SYNE1: variants seen among roughly 807,000 people sequenced by gnomAD.
The protein encoded by SYNE1 is spectrin repeat containing nuclear envelope protein 1, also known as nesprin-1.
Under a neutral mutation model 1,111.0 loss-of-function variants are expected in SYNE1, and 616 were observed. That is an observed-to-expected ratio of 0.55 (90% CI 0.52 to 0.59). The LOEUF (loss-of-function observed/expected upper bound fraction) is 0.59, where lower values mean the gene tolerates loss of function less well. Among genes scored for constraint, SYNE1 ranks in the 20% least tolerant of loss-of-function variants. The pLI is 0.00. For missense variants in SYNE1, 10,006 were observed against 10,417.0 expected (o/e 0.96, Z 1.72); for synonymous variants, 3,855 against 3,825.8 (o/e 1.01, Z -0.28).
At chr6:152,223,095 G>C (rs2080557147) in intron 117 of SYNE1, among the ~76,000 whole-genome samples, 1 of 152,138 alleles carries the variant, frequency 6.6e-6, no homozygotes, top group Non-Finnish European at 1.5e-5. Flanking sequence ...AACAGTCAAG[G>C]AAAAGACCCT....
At chr6:152,577,031 G>T (rs1355894001) in intron 3 of SYNE1, among the ~76,000 whole-genome samples, 1 of 152,150 alleles carries the variant, frequency 6.6e-6, no homozygotes, top group East Asian at 1.9e-4. Flanking sequence ...CATATGTTAA[G>T]AAGGCATTTT....
intron 29 of SYNE1, among the ~76,000 whole-genome samples, chr6:152,446,108 ATTT>A (rs11351100): frequency 1.4e-4 from 18 of 129,484 alleles, no homozygotes; most frequent in East Asian, 2.4e-4. Flanking sequence ...AAGACAGTCA[ATTT>A]TTTTTTTTTT....
intron 134 of SYNE1, 55 bp downstream of exon 134, chr6:152,151,904 A>G (rs754010587): frequency 7.5e-6 from 12 of 1,597,752 alleles, no homozygotes; most frequent in Admixed American, 5.1e-5. Flanking sequence ...ACTGCATTCA[A>G]ATGGCCCAGT....
chr6:152,395,623 T>A lies in SYNE1; in HGVS notation c.7605A>T (p.Glu2535Asp), dbSNP rs1410134639. The change falls in exon 51 of 146, where the codon GAA (glutamate) becomes GAT (aspartate). Residue 2535 changes from glutamate (E) to aspartate (D), a missense_variant. Glu to Asp is a conservative substitution (Grantham distance 45). Coordinates refer to ENST00000367255, the MANE Select transcript of SYNE1 (RefSeq NM_182961.4). Reference sequence around the variant, plus strand: ...CCAAGTTTTCCGTATTGAACCTTTCTTCCATTTCATGGATCCATAAGTTCA... The same window carrying A: ...CCAAGTTTTCCGTATTGAACCTTTCATCCATTTCATGGATCCATAAGTTCA... ...RKLNLWIHEM[E>D]ERFNTENLGE... 4.3e-6 allele frequency: 7 copies of A among 1,614,066 alleles called. No homozygotes were observed. In the South Asian group the frequency reaches 7.7e-5, roughly 18 times the overall value.
In SYNE1 at chr6:152,520,555, G is replaced by C. The variant is rs1486637985; in HGVS notation, c.226-13C>G. 1 of 1,613,172 alleles carries C rather than the reference G, an allele frequency of 6.2e-7. No individual in the cohort carries two copies. ...CTTGTTCACAAGGCTGTAAAAAGTG[G>C]GGTAAAAAAGGGAATGAGACAAAAT... On this transcript the variant is annotated splice_polypyrimidine_tract_variant and intron_variant, in intron 5 of 145. Transcript: ENST00000367255.
intron 5 of SYNE1, among the ~76,000 whole-genome samples, chr6:152,521,273 T>A (rs904287808): frequency 6.6e-6 from 1 of 152,210 alleles, no homozygotes; most frequent in Non-Finnish European, 1.5e-5. Flanking sequence ...CTGATATGAA[T>A]GTGCTATTTC....
intron 130 of SYNE1, chr6:152,167,955 C>A: frequency 1.3e-6 from 1 of 775,832 alleles, no homozygotes. Flanking sequence ...CAACGAATAA[C>A]TCTTGGGAGT....
Position 152,362,205 on chromosome 6 carries a change from G to A in SYNE1, c.10264C>T (p.Leu3422=), listed in dbSNP as rs964037582. 11 of 1,614,082 alleles carry A rather than the reference G, an allele frequency of 6.8e-6. No individual in the cohort carries two copies. The highest frequency in any genetic ancestry group is 2.2e-5 in the South Asian group (2 of 91,086). The change falls in exon 64 of 146, where the codon CTG becomes TTG. Residue 3422 remains leucine, a synonymous_variant. Transcript: ENST00000367255. ...CCGAGCATCGTTGTTTTATCCCGCA[G>A]CTCCGCATGCTGCCTTTCTGATTCA... The part of the protein sequence containing the change: ...LNESERQHAE[L]RDKTTMLGKA...
intron 3 of SYNE1, among the ~76,000 whole-genome samples, chr6:152,603,910 T>C (rs920569711): frequency 1.4e-5 from 2 of 147,172 alleles, no homozygotes; most frequent in African/African-American, 2.5e-5. Context: ...AGATATACTA[T>C]CTATATATAC....
At chr6:152,188,466 T>C (rs1258226399) in intron 128 of SYNE1, among the ~76,000 whole-genome samples, 1 of 152,026 alleles carries the variant, frequency 6.6e-6, no homozygotes, top group East Asian at 1.9e-4. Context: ...ATGAATAAAG[T>C]ATGACTAAAA....
At chr6:152,174,834 G>C (rs142242984) in intron 130 of SYNE1, among the ~76,000 whole-genome samples, 156 of 152,336 alleles carry the variant, frequency 1.0e-3, no homozygotes, top group African/African-American at 3.6e-3. Flanking sequence ...GAAACCCGTA[G>C]CATGGTCATT....
rs372991567 is a variant in SYNE1 at position 152,211,460 on chromosome 6, A to G, written c.22589+34T>C. On this transcript the variant is annotated intron_variant, in intron 124 of 145. Coordinates refer to ENST00000367255, the MANE Select transcript of SYNE1 (RefSeq NM_182961.4). Reference sequence around the variant, plus strand: ...AAAAGAAAATGACTAATTTACTGGAACCTTTCTTTGTAATAATTTATCAAA... The same window carrying G: ...AAAAGAAAATGACTAATTTACTGGAGCCTTTCTTTGTAATAATTTATCAAA... The G allele has an allele frequency of 8.9e-5, 140 of 1,564,768 alleles. No homozygotes were observed. The African/African-American group carries it at 1.7e-3, about 19-fold the overall frequency.
chr6:152,154,748 T>A, intron 133 of SYNE1, 144 bp downstream of exon 133: 2 of 888,348 alleles, frequency 2.3e-6, no homozygotes, highest in South Asian at 2.9e-5. Flanking sequence ...TATGAGGTCA[T>A]AATAAAGATG....
chr6:152,569,693 C>G (rs971227924), intron 3 of SYNE1, among the ~76,000 whole-genome samples: 2 of 152,112 alleles, frequency 1.3e-5, no homozygotes, highest in African/African-American at 4.8e-5. Context: ...ATCCAAAATA[C>G]TCTCAAATAC....
chr6:152,495,151 A>C (rs985802608), intron 11 of SYNE1, among the ~76,000 whole-genome samples: 1 of 152,142 alleles, frequency 6.6e-6, no homozygotes, highest in Admixed American at 6.5e-5. Flanking sequence ...ATCACTTCTC[A>C]GTGTTCCATT....
At chr6:152,143,598 G>C in intron 138 of SYNE1, 25 bp downstream of exon 138, 3 of 1,614,080 alleles carry the variant, frequency 1.9e-6, no homozygotes, top group Non-Finnish European at 2.5e-6. Flanking sequence ...GCACAGGTCG[G>C]AATCAGGATG....
intron 36 of SYNE1, among the ~76,000 whole-genome samples, 180 bp downstream of exon 36, chr6:152,429,932 C>G (rs2098412940): frequency 6.6e-6 from 1 of 152,090 alleles, no homozygotes. Context: ...AAAATTTATT[C>G]ACATCCTTAC....
chr6:152,618,030 T>C (rs1022619842), intron 3 of SYNE1, among the ~76,000 whole-genome samples: 3 of 152,170 alleles, frequency 2.0e-5, no homozygotes, highest in African/African-American at 7.2e-5. Flanking sequence ...TGGAAGGTTA[T>C]AGTGAGTCCT....
At chr6:152,583,812 G>A (rs533566202) in intron 3 of SYNE1, among the ~76,000 whole-genome samples, 28 of 152,282 alleles carry the variant, frequency 1.8e-4, no homozygotes, top group African/African-American at 6.7e-4. Flanking sequence ...AGCAAAAGTG[G>A]GAGAATTAGA....
Sources: allele counts gnomAD v4.1 joint callset (sites outside exome capture counted in the v4.1 genomes callset), GRCh38; gene constraint gnomAD v4.1.1; transcripts MANE v1.5; gene names NCBI Gene and HGNC (gene_info 2026-07-23, HGNC 2026-07-21).